Variants in TTLL12 observed in about 807,000 individuals in gnomAD.
TTLL12 encodes the protein tubulin--tyrosine ligase-like protein 12.
A neutral mutation model predicts 79.6 loss-of-function variants in TTLL12; 77 were observed. The ratio of observed to expected loss-of-function variants is 0.97; its 90% CI spans 0.81 to 1.17. The LOEUF (loss-of-function observed/expected upper bound fraction) is 1.17, where lower values mean the gene tolerates loss of function less well. TTLL12 is among the 50% of genes most tolerant of loss of function. The pLI is 0.00. For missense variants in TTLL12, 969 were observed against 895.9 expected (o/e 1.08, Z -1.04); for synonymous variants, 437 against 376.1 (o/e 1.16, Z -1.87).
intron 3 of TTLL12, 120 bp from the exon 4 acceptor site, chr22:43,180,120 A>T: frequency 8.1e-7 from 1 of 1,236,228 alleles, no homozygotes; most frequent in Non-Finnish European, 1.1e-6. Flanking sequence ...AGGCCCTCTC[A>T]CATGTACCCC....
intron 1 of TTLL12, among the ~76,000 whole-genome samples, chr22:43,186,316 A>C (rs138955): frequency 0.078 from 11,917 of 152,096 alleles, 659 homozygotes; most frequent in Non-Finnish European, 0.12. Flanking sequence ...GGTGAGCCGG[A>C]TGGGCCGTCC....
In TTLL12 at chr22:43,187,056, C is replaced by G. The variant is rs529496470; in HGVS notation, c.14G>C (p.Arg5Pro). MEAE[R>P]GPERRPAERS... Reference sequence around the variant, plus strand: ...CTCCGCAGGCCGGCGCTCGGGACCCCGCTCGGCCTCCATGGCGCCAGCACC... The same window carrying G: ...CTCCGCAGGCCGGCGCTCGGGACCCGGCTCGGCCTCCATGGCGCCAGCACC... The change falls in exon 1 of 14, where the codon CGG becomes CCG. Residue 5 changes from arginine (R) to proline (P), a missense_variant. Transcript: ENST00000216129. The G allele has an allele frequency of 4.0e-4, 474 of 1,184,616 alleles. 1 individual carries two copies. In the African/African-American group the frequency reaches 7.0e-3, roughly 17 times the overall value. 73.4% of individuals were successfully genotyped at this position (1,184,616 alleles called of 1,614,324 possible).
At position 43,173,737 on chromosome 22, in the gene TTLL12, C is replaced by T. The variant is rs140978283; in HGVS notation, c.1319G>A (p.Arg440Gln). The change falls in exon 9 of 14, where the codon CGG becomes CAG. Residue 440 changes from arginine (R) to glutamine (Q), a missense_variant. Physicochemically the swap from Arg to Gln is conservative, Grantham distance 43. Coordinates refer to ENST00000216129, the MANE Select transcript of TTLL12 (RefSeq NM_015140.4). Reference sequence around the variant, plus strand: ...CACCTTGGGGGTGCTCTCTCGGTGCCGGATGATGCTGTGCAGGCTCTTGGT... The same window carrying T: ...CACCTTGGGGGTGCTCTCTCGGTGCTGGATGATGCTGTGCAGGCTCTTGGT... ...HVTKSLHSII[R>Q]HRESTPKVVS... 1.3e-5 allele frequency: 21 copies of T among 1,603,026 alleles called. No homozygotes were observed. The highest frequency in any genetic ancestry group is 1.1e-4 in the East Asian group (5 of 44,866).
At chr22:43,184,160 T>C (rs981781137) in intron 1 of TTLL12, among the ~76,000 whole-genome samples, 1 of 152,244 alleles carries the variant, frequency 6.6e-6, no homozygotes, top group African/African-American at 2.4e-5. Flanking sequence ...ACAGCGTGCA[T>C]AAAGTCCTGG....
chr22:43,185,293 A>C (rs1228134480), intron 1 of TTLL12, among the ~76,000 whole-genome samples: 26,471 of 97,746 alleles, frequency 0.27, 3,844 homozygotes, highest in Non-Finnish European at 0.31. Flanking sequence ...ATATATATAT[A>C]TATATATGTA....
intron 8 of TTLL12, 71 bp downstream of exon 8, chr22:43,174,138 A>G: frequency 6.5e-7 from 1 of 1,533,048 alleles, no homozygotes; most frequent in Non-Finnish European, 8.8e-7. Flanking sequence ...CTCATGGAGG[A>G]GCAGGCGGAC....
Position 43,187,064 on chromosome 22 carries a change from C to G in TTLL12, c.6G>C (p.Glu2Asp). 8.5e-7 allele frequency: 1 copy of G among 1,176,776 alleles called. No individual in the cohort carries two copies. Among genetic ancestry groups the G allele is most frequent in the Non-Finnish European group, 1.0e-6 (1 of 953,634 alleles). 72.9% of individuals were successfully genotyped at this position (1,176,776 alleles called of 1,614,324 possible). A position where few individuals can be genotyped will look rare whatever the true frequency, so the allele number is the denominator to read the frequency against. The change falls in exon 1 of 14, where the codon GAG (glutamate) becomes GAC (aspartate). Residue 2 changes from glutamate (E) to aspartate (D), a missense_variant. By Grantham distance (45) the Glu-to-Asp change is conservative. Coordinates refer to ENST00000216129, the MANE Select transcript of TTLL12 (RefSeq NM_015140.4). The stretch of plus-strand genomic sequence containing the variant: ...GCCGGCGCTCGGGACCCCGCTCGGC[C>G]TCCATGGCGCCAGCACCCGCGCCGA... M[E>D]AERGPERRPA...
intron 8 of TTLL12, 63 bp downstream of exon 8, chr22:43,174,146 G>C: frequency 1.9e-6 from 3 of 1,555,502 alleles, no homozygotes; most frequent in South Asian, 1.2e-5. Context: ...GGAGCAGGCG[G>C]ACACAGACGC....
intron 8 of TTLL12, 145 bp downstream of exon 8, chr22:43,174,064 G>T: frequency 8.4e-7 from 1 of 1,190,446 alleles, no homozygotes; most frequent in Non-Finnish European, 1.2e-6. Flanking sequence ...TGCGGTCCGT[G>T]AAGACGGCCG....
In TTLL12 at chr22:43,174,602, C is replaced by A; in HGVS notation, c.931G>T (p.Val311Leu). The change falls in exon 7 of 14, where the codon GTG (valine) becomes TTG (leucine). Residue 311 changes from valine to leucine, a missense_variant. Val to Leu is a conservative substitution (Grantham distance 32). Coordinates refer to ENST00000216129, the MANE Select transcript of TTLL12 (RefSeq NM_015140.4). ...HGHIFKVYTDVQQVASSLTHP... is the reference protein window; with the variant it reads ...HGHIFKVYTDLQQVASSLTHP... ...GTGAGGCTGCTGGCCACCTGCTGCA[C>A]GTCCGTGTAGACCCTGTGGGGAGAG... 1 of 1,611,230 alleles carries A rather than the reference C, an allele frequency of 6.2e-7. No homozygotes were observed. The highest frequency in any genetic ancestry group is 8.5e-7 in the Non-Finnish European group (1 of 1,179,142).
intron 1 of TTLL12, among the ~76,000 whole-genome samples, chr22:43,185,615 C>G (rs1458032718): frequency 3.9e-5 from 6 of 152,142 alleles, no homozygotes; most frequent in Admixed American, 1.3e-4. Flanking sequence ...GGCGACCACC[C>G]TCTGTGTGCC....
At chr22:43,184,033 T>C (rs1289057007) in intron 1 of TTLL12, among the ~76,000 whole-genome samples, 2 of 152,254 alleles carry the variant, frequency 1.3e-5, no homozygotes, top group Non-Finnish European at 2.9e-5. Context: ...GAGTGGAGCC[T>C]GGCCACAGCA....
At position 43,186,791 on chromosome 22, in the gene TTLL12, G is replaced by C. The variant is rs1028013203; in HGVS notation, c.177+102C>G. ...CAGGACGCGCTCTGGGTGGCTCACC[G>C]CGGCTCCCGCCGCCCGGGAGCGCTC... On this transcript the variant is annotated intron_variant, in intron 1 of 13. Transcript: ENST00000216129. 1.6e-5 allele frequency: 18 copies of C among 1,147,786 alleles called. No homozygotes were observed. The African/African-American group carries it at 2.4e-4, about 15-fold the overall frequency. The allele number at this position is 1,147,786 out of a possible 1,614,324, so 71.1% of individuals were successfully genotyped here.
intron 2 of TTLL12, among the ~76,000 whole-genome samples, chr22:43,182,331 C>G (rs543094035): frequency 6.6e-6 from 1 of 152,226 alleles, no homozygotes; most frequent in Non-Finnish European, 1.5e-5. Flanking sequence ...ACTGCCCACT[C>G]CCAGCTGGAG....
Position 43,186,950 on chromosome 22 carries a change from G to A in TTLL12, c.120C>T (p.Arg40=). ...EFAALHGPAL[R]ASGVPERYWG... is the part of the protein sequence containing the mutation. ...AGTAACGTTCGGGGACCCCCGAAGCGCGCAGCGCCGGGCCGTGCAGCGCCG... is the reference window on the plus strand; with the variant it reads ...AGTAACGTTCGGGGACCCCCGAAGCACGCAGCGCCGGGCCGTGCAGCGCCG... Residue 40 remains arginine, a synonymous_variant, in exon 1 of 14, where the codon CGC becomes CGT. Coordinates refer to ENST00000216129, the MANE Select transcript of TTLL12 (RefSeq NM_015140.4). 1.5e-6 allele frequency: 2 copies of A among 1,365,342 alleles called. No individual in the cohort carries two copies. Among genetic ancestry groups the A allele is most frequent in the Non-Finnish European group, 9.5e-7 (1 of 1,055,910 alleles). The allele number at this position is 1,365,342 out of a possible 1,614,324, so 84.6% of individuals were successfully genotyped here.
chr22:43,176,729 CAAAAAAAA>C (rs869094672), intron 5 of TTLL12, among the ~76,000 whole-genome samples: 4 of 58,910 alleles, frequency 6.8e-5, no homozygotes, highest in Non-Finnish European at 1.2e-4. Flanking sequence ...GACTACATCT[CAAAAAAAA>C]AAAAAAAAAA....
Position 43,187,017 on chromosome 22 carries a change from C to G in TTLL12, c.53G>C (p.Gly18Ala). The change falls in exon 1 of 14, where the codon GGC becomes GCC. Residue 18 changes from glycine to alanine, a missense_variant. Transcript: ENST00000216129. ...ERRPAERSSP[G>A]QTPEEGAQAL... is the part of the protein sequence containing the mutation. ...CTGCGCGCCCTCCTCCGGCGTCTGG[C>G]CCGGGCTGCTACGCTCCGCAGGCCG... is the stretch of plus-strand genomic sequence containing the variant. 8.0e-7 allele frequency: 1 copy of G among 1,249,516 alleles called. No homozygotes were observed. Among genetic ancestry groups the G allele is most frequent in the Non-Finnish European group, 1.0e-6 (1 of 993,726 alleles). 77.4% of individuals were successfully genotyped at this position (1,249,516 alleles called of 1,614,324 possible).
chr22:43,178,296 C>T (rs867349171), intron 5 of TTLL12, among the ~76,000 whole-genome samples: 15 of 142,344 alleles, frequency 1.1e-4, no homozygotes, highest in African/African-American at 3.3e-4. Context: ...CACACAAACA[C>T]GCCACCACTC....
chr22:43,167,264 C>T lies in TTLL12; in HGVS notation c.*744G>A, dbSNP rs1386107537. The T allele has an allele frequency of 9.8e-6, 5 of 509,132 alleles. No homozygotes were observed. Among genetic ancestry groups the T allele is most frequent in the Admixed American group, 4.1e-5 (2 of 48,420 alleles). The allele number at this position is 509,132 out of a possible 1,614,324, so 31.5% of individuals were successfully genotyped here. ...GGGCGGGACCCCGTGGAGTGCCCGGCGAGCAGGGCAACCACTGGGAAGACA... is the reference window on the plus strand; with the variant it reads ...GGGCGGGACCCCGTGGAGTGCCCGGTGAGCAGGGCAACCACTGGGAAGACA... On this transcript the variant is annotated 3_prime_UTR_variant, in exon 14 of 14. Transcript: ENST00000216129.
Sources: allele counts gnomAD v4.1 joint callset (sites outside exome capture counted in the v4.1 genomes callset), GRCh38; gene constraint gnomAD v4.1.1; transcripts MANE v1.5; gene names NCBI Gene and HGNC (gene_info 2026-07-23, HGNC 2026-07-21).